IMPACT: variants seen among roughly 807,000 people sequenced by gnomAD.
The protein encoded by IMPACT is protein IMPACT.
A neutral mutation model predicts 47.5 loss-of-function variants in IMPACT; 35 were observed. The observed-to-expected ratio is 0.74, with a 90% CI of 0.56 to 0.98. The LOEUF (loss-of-function observed/expected upper bound fraction) is 0.98, where lower values mean the gene tolerates loss of function less well. Among genes scored for constraint, IMPACT ranks in the 50% least tolerant of loss-of-function variants. IMPACT has a pLI of 0.00. For missense variants in IMPACT, 373 were observed against 394.8 expected (o/e 0.94, Z 0.47); for synonymous variants, 118 against 125.6 (o/e 0.94, Z 0.40).
At chr18:24,432,071 C>CA (rs1908772769) in intron 4 of IMPACT, among the ~76,000 whole-genome samples, 1 of 152,158 alleles carries the variant, frequency 6.6e-6, no homozygotes, top group Non-Finnish European at 1.5e-5. Flanking sequence ...AGGCTGGTCT[C>CA]AAACTCCTGG....
intron 1 of IMPACT, chr18:24,427,631 T>C: frequency 3.3e-6 from 1 of 301,246 alleles, no homozygotes; most frequent in Non-Finnish European, 6.1e-6. Context: ...GTGTGAATGG[T>C]CACTACAAAG....
chr18:24,446,866 T>A (rs1257663741), intron 8 of IMPACT, among the ~76,000 whole-genome samples: 1 of 152,256 alleles, frequency 6.6e-6, no homozygotes, highest in Admixed American at 6.5e-5. Flanking sequence ...TTATTCTACA[T>A]GTTTTTTGAG....
At chr18:24,445,611 TAA>T in intron 8 of IMPACT, 145 bp downstream of exon 8, 1 of 454,708 alleles carries the variant, frequency 2.2e-6, no homozygotes, top group African/African-American at 2.0e-5. Context: ...GCAGAAAAGA[TAA>T]AAAAGAATTG....
Position 24,430,426 on chromosome 18 carries a change from T to C in IMPACT, c.281+42T>C, listed in dbSNP as rs560822676. 2.8e-4 allele frequency: 400 copies of C among 1,428,836 alleles called. 4 individuals carry two copies. In the South Asian group the frequency reaches 4.8e-3, roughly 17 times the overall value. 88.5% of individuals were successfully genotyped at this position (1,428,836 alleles called of 1,614,324 possible). A position where few individuals can be genotyped will look rare whatever the true frequency, so the allele number is the denominator to read the frequency against. The stretch of plus-strand genomic sequence containing the variant: ...TTTTTAAAATAATTCTGTTAGTGAT[T>C]GTATTGTGGGCTTTTGTTGAACCTG... On this transcript the variant is annotated intron_variant, in intron 4 of 10. Transcript: ENST00000284202.
chr18:24,449,734 C>A, intron 9 of IMPACT, 85 bp from the exon 10 acceptor site: 1 of 1,253,328 alleles, frequency 8.0e-7, no homozygotes. Flanking sequence ...CAATTTTATA[C>A]ATGGGTTATT....
At chr18:24,442,827 A>C (rs1045036885) in intron 6 of IMPACT, among the ~76,000 whole-genome samples, 10 of 152,214 alleles carry the variant, frequency 6.6e-5, no homozygotes, top group African/African-American at 2.4e-4. Context: ...GCAGGTGGAA[A>C]TCATTTATAA....
chr18:24,442,743 T>C (rs1447002765), intron 6 of IMPACT, among the ~76,000 whole-genome samples: 2 of 152,182 alleles, frequency 1.3e-5, no homozygotes, highest in Admixed American at 6.5e-5. Context: ...ATATTAGATA[T>C]TGTACCAACT....
chr18:24,438,298 T>TGGTC (rs1599764162), intron 5 of IMPACT, among the ~76,000 whole-genome samples: 2 of 152,372 alleles, frequency 1.3e-5, no homozygotes, highest in South Asian at 4.1e-4. Flanking sequence ...CAGTTACCTG[T>TGGTC]GGTCACCTGT....
chr18:24,442,416 G>C (rs933041054), intron 6 of IMPACT, among the ~76,000 whole-genome samples: 2 of 152,114 alleles, frequency 1.3e-5, no homozygotes, highest in Non-Finnish European at 1.5e-5. Flanking sequence ...GCCTCCCAAA[G>C]GGTTGGGATT....
At chr18:24,448,926 G>T (rs1428157263) in intron 9 of IMPACT, among the ~76,000 whole-genome samples, 4 of 151,998 alleles carry the variant, frequency 2.6e-5, no homozygotes, top group Non-Finnish European at 5.9e-5. Context: ...TTTTCCTAAG[G>T]TAGTTACCTG....
At chr18:24,427,755 A>C in intron 1 of IMPACT, 164 bp from the exon 2 acceptor site, 2 of 600,118 alleles carry the variant, frequency 3.3e-6, no homozygotes, top group Non-Finnish European at 5.6e-6. Context: ...CCCAGAGAGC[A>C]GAACATGGTG....
chr18:24,430,068 C>T (rs557736605), intron 3 of IMPACT, among the ~76,000 whole-genome samples: 2 of 152,294 alleles, frequency 1.3e-5, no homozygotes, highest in Admixed American at 1.3e-4. Context: ...TGAGCCACCA[C>T]GCCTGGCCAA....
chr18:24,436,132 A>G (rs993064987), intron 4 of IMPACT, among the ~76,000 whole-genome samples: 2 of 152,148 alleles, frequency 1.3e-5, no homozygotes, highest in African/African-American at 4.8e-5. Flanking sequence ...AGGCTTTTGG[A>G]GTCAGTTTTT....
At chr18:24,433,311 T>C (rs1319936501) in intron 4 of IMPACT, among the ~76,000 whole-genome samples, 5 of 143,742 alleles carry the variant, frequency 3.5e-5, no homozygotes, top group African/African-American at 1.3e-4. Context: ...GCCATTCTCC[T>C]GCCTCAGCCT....
At chr18:24,434,856 A>G (rs867407993) in intron 4 of IMPACT, among the ~76,000 whole-genome samples, 4 of 130,166 alleles carry the variant, frequency 3.1e-5, no homozygotes, top group African/African-American at 1.0e-4. Flanking sequence ...GTGTATATAT[A>G]TGTGTATATA....
At position 24,449,837 on chromosome 18, in the gene IMPACT, G is replaced by A. The variant is rs767855847; in HGVS notation, c.778G>A (p.Val260Ile). ...ATAACAGATTTTGAATGTGAAGAAT[G>A]TCATGGTGGTAGTATCACGCTGGTA... ...HLMEILNVKN[V>I]MVVVSRWYGG... The change falls in exon 10 of 11, where the codon GTC becomes ATC. Residue 260 changes from valine (V) to isoleucine (I), a missense_variant. Coordinates refer to ENST00000284202, the MANE Select transcript of IMPACT (RefSeq NM_018439.4). The A allele has an allele frequency of 4.3e-6, 7 of 1,612,658 alleles. No homozygotes were observed. Among genetic ancestry groups the A allele is most frequent in the Non-Finnish European group, 5.9e-6 (7 of 1,179,368 alleles).
At chr18:24,446,247 G>A (rs984159551) in intron 8 of IMPACT, among the ~76,000 whole-genome samples, 2 of 151,990 alleles carry the variant, frequency 1.3e-5, no homozygotes, top group South Asian at 4.1e-4. Context: ...GTATTTTTTT[G>A]TAGTGACAGG....
chr18:24,426,898 C>T (rs1908622912), intron 1 of IMPACT, 106 bp downstream of exon 1: 1 of 771,832 alleles, frequency 1.3e-6, no homozygotes, highest in Non-Finnish European at 1.8e-6. Flanking sequence ...GCCCCGGGTT[C>T]CGCCAGCACT....
chr18:24,443,061 A>AAGT lies in IMPACT; in HGVS notation c.505_506insTAG (p.Glu168_Glu169insVal), dbSNP rs755230036. ...TTTACATTTCTAGAAGTAGAAGTAG[A>AAGT]AGAATTACCTCCGATTGATCATGGC... On this transcript the variant is annotated inframe_insertion, in exon 7 of 11. Transcript: ENST00000284202. 1 of 1,573,204 alleles carries AAGT rather than the reference A, an allele frequency of 6.4e-7. No homozygotes were observed. Among genetic ancestry groups the AAGT allele is most frequent in the South Asian group, 1.1e-5 (1 of 87,180 alleles).
Sources: gnomAD v4.1 joint callset for allele counts (sites outside exome capture counted in the v4.1 genomes callset) on GRCh38, gnomAD v4.1.1 for gene constraint, MANE v1.5 for transcripts, NCBI Gene and HGNC (gene_info 2026-07-23, HGNC 2026-07-21) for gene names.